LRBA: variants seen among roughly 807,000 people sequenced by gnomAD.
LRBA encodes the protein lipopolysaccharide-responsive and beige-like anchor protein.
Under a neutral mutation model 330.0 loss-of-function variants are expected in LRBA, and 176 were observed. The observed-to-expected ratio is 0.53, with a 90% CI of 0.47 to 0.60. The LOEUF is 0.60. LRBA is among the 20% of genes least tolerant of loss of function. The probability of loss-of-function intolerance (pLI) is 0.00; values close to 1 mark genes in which losing one functional copy is unlikely to be tolerated. For synonymous variants in LRBA, 1,230 were observed against 1,193.0 expected, an observed-to-expected ratio of 1.03 and a Z score of -0.64; for missense variants, 3,259 against 3,444.8, an observed-to-expected ratio of 0.95 and a Z score of 1.35.
At chr4:150,340,707 G>C (rs1735408321) in intron 48 of LRBA, among the ~76,000 whole-genome samples, 1 of 152,098 alleles carries the variant, frequency 6.6e-6, no homozygotes, top group African/African-American at 2.4e-5. Context: ...GTTATTTGTT[G>C]TTGCTTTAGA....
At chr4:150,723,262 C>G (rs1463677118) in intron 36 of LRBA, among the ~76,000 whole-genome samples, 4 of 152,150 alleles carry the variant, frequency 2.6e-5, no homozygotes, top group African/African-American at 9.7e-5. Flanking sequence ...GCCCTAACCC[C>G]AGGGAGTGAA....
intron 38 of LRBA, chr4:150,597,263 T>G (rs1283411356): frequency 2.6e-6 from 1 of 384,032 alleles, no homozygotes; most frequent in African/African-American, 2.1e-5. Context: ...TTAATGCAGA[T>G]GCTTAGCATT....
chr4:150,948,636 C>A (rs1262413495), intron 2 of LRBA, among the ~76,000 whole-genome samples: 2 of 151,812 alleles, frequency 1.3e-5, no homozygotes, highest in Non-Finnish European at 2.9e-5. Context: ...ATTCTGCTCA[C>A]CAAAAAACCT....
intron 28 of LRBA, among the ~76,000 whole-genome samples, chr4:150,838,983 A>C (rs1001303445): frequency 6.6e-6 from 1 of 152,220 alleles, no homozygotes; most frequent in Non-Finnish European, 1.5e-5. Flanking sequence ...AATTTTTGCT[A>C]TCTACTCATC....
At chr4:150,733,557 C>G (rs1730771480) in intron 36 of LRBA, among the ~76,000 whole-genome samples, 1 of 51,462 alleles carries the variant, frequency 1.9e-5, no homozygotes, top group Admixed American at 2.4e-4. Flanking sequence ...CTGATTCTGT[C>G]TCTCTCTCTC....
At chr4:150,613,692 C>T (rs1775484240) in intron 37 of LRBA, among the ~76,000 whole-genome samples, 1 of 152,206 alleles carries the variant, frequency 6.6e-6, no homozygotes, top group African/African-American at 2.4e-5. Context: ...GCTGTACTCC[C>T]CACATCAGAC....
At position 150,893,244 on chromosome 4, in the gene LRBA, A is replaced by C. The variant is rs571671980; in HGVS notation, c.2068-95T>G. 7 of 663,204 alleles carry C rather than the reference A, an allele frequency of 1.1e-5. No individual in the cohort carries two copies. In the East Asian group the frequency reaches 1.9e-4, roughly 18 times the overall value. 41.1% of individuals were successfully genotyped at this position (663,204 alleles called of 1,614,324 possible). On this transcript the variant is annotated intron_variant, in intron 16 of 56. Coordinates refer to ENST00000651943, the MANE Select transcript of LRBA (RefSeq NM_001364905.1). ...TGAAATAGAAATTTCAACATTAGAA[A>C]TATAAGTAGACATATGTGTGATATA...
intron 4 of LRBA, among the ~76,000 whole-genome samples, chr4:150,922,318 C>A (rs1733374548): frequency 1.3e-5 from 2 of 151,174 alleles, no homozygotes; most frequent in Non-Finnish European, 2.9e-5. Flanking sequence ...ATGTTTATAG[C>A]AGCACAATTC....
intron 21 of LRBA, 140 bp downstream of exon 21, chr4:150,868,042 G>T (rs1752953117): frequency 4.2e-6 from 4 of 943,682 alleles, no homozygotes; most frequent in South Asian, 3.8e-5. Flanking sequence ...TAACTATGTG[G>T]TACATTATTT....
chr4:150,639,372 AG>A (rs1259689757), intron 37 of LRBA, among the ~76,000 whole-genome samples: 3 of 138,644 alleles, frequency 2.2e-5, no homozygotes, highest in Admixed American at 7.0e-5. Context: ...AAAAAAAAAA[AG>A]AAAAAAAAAA....
At chr4:150,279,104 G>A (rs1473063461) in intron 55 of LRBA, among the ~76,000 whole-genome samples, 5 of 152,190 alleles carry the variant, frequency 3.3e-5, no homozygotes. Context: ...GATTACAGGC[G>A]AGAACCACTG....
At chr4:150,591,803 C>T (rs1772873180) in intron 38 of LRBA, among the ~76,000 whole-genome samples, 1 of 152,064 alleles carries the variant, frequency 6.6e-6, no homozygotes. Flanking sequence ...AGCACCTACA[C>T]TCAACAATGG....
chr4:150,676,388 G>A (rs1782560802), intron 37 of LRBA, among the ~76,000 whole-genome samples: 1 of 152,020 alleles, frequency 6.6e-6, no homozygotes, highest in South Asian at 2.1e-4. Context: ...TTACATGAAG[G>A]CAAGCGATAT....
At position 150,302,639 on chromosome 4, in the gene LRBA, C is replaced by A; in HGVS notation, c.8003G>T (p.Gly2668Val). The A allele has an allele frequency of 6.2e-7, 1 of 1,609,122 alleles. No individual in the cohort carries two copies. Among genetic ancestry groups the A allele is most frequent in the Non-Finnish European group, 8.5e-7 (1 of 1,177,338 alleles). Residue 2668 changes from glycine to valine, a missense_variant, in exon 53 of 57, where the codon GGA becomes GTA. By Grantham distance (109) the Gly-to-Val change is moderately radical. Coordinates refer to ENST00000651943, the MANE Select transcript of LRBA (RefSeq NM_001364905.1). ...WYWNGKCSGIGDNPGSETAAP... is the reference protein window; with the variant it reads ...WYWNGKCSGIVDNPGSETAAP... ...GTCATACTTACTGCCTGGGTTATCTCCAATCCCACTGCATTTTCCATTCCA... is the reference window on the plus strand; with the variant it reads ...GTCATACTTACTGCCTGGGTTATCTACAATCCCACTGCATTTTCCATTCCA...
At chr4:150,696,487 T>C (rs183818410) in intron 36 of LRBA, among the ~76,000 whole-genome samples, 168 of 152,232 alleles carry the variant, frequency 1.1e-3, no homozygotes, top group Non-Finnish European at 1.8e-3. Flanking sequence ...AGAATAGACA[T>C]AAAATGATTA....
intron 47 of LRBA, among the ~76,000 whole-genome samples, chr4:150,393,787 A>G (rs1003795080): frequency 6.6e-6 from 1 of 152,166 alleles, no homozygotes; most frequent in Non-Finnish European, 1.5e-5. Context: ...CCCTTGGTCC[A>G]TAGTTTGTTT....
intron 48 of LRBA, among the ~76,000 whole-genome samples, chr4:150,341,471 C>T (rs1406084962): frequency 6.6e-6 from 1 of 152,018 alleles, no homozygotes; most frequent in Non-Finnish European, 1.5e-5. Flanking sequence ...CCTGGCCTAT[C>T]ACCAACTTCT....
intron 49 of LRBA, among the ~76,000 whole-genome samples, chr4:150,324,524 GA>G (rs1394956047): frequency 6.9e-6 from 1 of 144,628 alleles, no homozygotes; most frequent in Non-Finnish European, 1.5e-5. Context: ...TAAAGAAGGA[GA>G]AAAAATCTTG....
chr4:150,302,741 G>A lies in LRBA; in HGVS notation c.7901C>T (p.Ala2634Val), dbSNP rs1729836113. 6.2e-7 allele frequency: 1 copy of A among 1,610,216 alleles called. No homozygotes were observed. Among genetic ancestry groups the A allele is most frequent in the Non-Finnish European group, 8.5e-7 (1 of 1,177,818 alleles). Residue 2634 changes from alanine (A) to valine (V), a missense_variant, in exon 53 of 57, where the codon GCT becomes GTT. Transcript: ENST00000651943. ...FGHWDVVTCL[A>V]RSESYIGGNC... ...TCCCCCAATATATGACTCAGAACGA[G>A]CAAGGCAAGTGACGACATCCCAATG... is the stretch of plus-strand genomic sequence containing the variant.
Sources: allele counts gnomAD v4.1 joint callset (sites outside exome capture counted in the v4.1 genomes callset), GRCh38; gene constraint gnomAD v4.1.1; transcripts MANE v1.5; gene names NCBI Gene and HGNC (gene_info 2026-07-23, HGNC 2026-07-21).